THADA: variants seen among roughly 807,000 people sequenced by gnomAD.
THADA encodes THADA armadillo repeat containing.
In THADA, 213 loss-of-function variants were observed where a neutral mutation model predicts 219.8. The observed-to-expected ratio is 0.97, with a 90% CI of 0.87 to 1.09. THADA has a LOEUF of 1.09. THADA is among the 50% of genes least tolerant of loss of function. The pLI, the probability that THADA is intolerant of heterozygous loss-of-function variation, is 0.00. For missense variants in THADA, 2,956 were observed against 2,311.3 expected (o/e 1.28, Z -5.72); for synonymous variants, 1,018 against 828.9 (o/e 1.23, Z -3.92).
At chr2:43,418,903 T>C (rs1195836018) in intron 28 of THADA, among the ~76,000 whole-genome samples, 11 of 152,080 alleles carry the variant, frequency 7.2e-5, no homozygotes, top group African/African-American at 1.4e-4. Context: ...AAGCACCCAG[T>C]GGCTTTTTTA....
At chr2:43,449,030 A>G (rs1681965357) in intron 26 of THADA, among the ~76,000 whole-genome samples, 1 of 152,214 alleles carries the variant, frequency 6.6e-6, no homozygotes, top group African/African-American at 2.4e-5. Flanking sequence ...AAGGCTTTAA[A>G]ACAAGTATCT....
chr2:43,304,105 C>G (rs1405067546), intron 31 of THADA, among the ~76,000 whole-genome samples: 3 of 152,104 alleles, frequency 2.0e-5, no homozygotes, highest in Non-Finnish European at 4.4e-5. Flanking sequence ...TAAGTCAACC[C>G]CTTCATCTAG....
Position 43,402,468 on chromosome 2 carries a change from A to G in THADA, c.4059-4329T>C, listed in dbSNP as rs565203294. On this transcript the variant is annotated intron_variant, in intron 28 of 37. Coordinates refer to ENST00000405975, the MANE Select transcript of THADA (RefSeq NM_022065.5). ...AAAAAAGGACCATTCTGCTGAGATC[A>G]TGCTAACTTTACCACCTTTAACAGA... Among the ~76,000 whole-genome samples, 3 of 152,326 alleles carry G rather than the reference A, an allele frequency of 2.0e-5. No homozygotes were observed. The East Asian group carries it at 5.8e-4, about 29-fold the overall frequency.
rs562444242 is a variant in THADA at position 43,468,733 on chromosome 2, G to A, written c.3836+16501C>T. Among the ~76,000 whole-genome samples the A allele has an allele frequency of 1.6e-4, 25 of 152,220 alleles. 1 individual carries two copies. The highest frequency in any genetic ancestry group is 3.4e-3 in the Middle Eastern group (1 of 294). The stretch of plus-strand genomic sequence containing the variant: ...ACAATTCACAAGAAACAATACCACC[G>A]CAAGAAAGAGATGGCATACAGAATC... On this transcript the variant is annotated intron_variant, in intron 26 of 37. Transcript: ENST00000405975.
intron 25 of THADA, among the ~76,000 whole-genome samples, chr2:43,487,681 C>A (rs946806850): frequency 1.3e-5 from 2 of 152,138 alleles, no homozygotes; most frequent in African/African-American, 2.4e-5. Flanking sequence ...AGAGCTCTCA[C>A]GAATGCGATT....
At chr2:43,348,598 A>G (rs1202573894) in intron 29 of THADA, among the ~76,000 whole-genome samples, 1 of 152,166 alleles carries the variant, frequency 6.6e-6, no homozygotes, top group Non-Finnish European at 1.5e-5. Context: ...CAGCAATGGA[A>G]GGAGAGGAAA....
chr2:43,586,569 A>T (rs961194455), intron 6 of THADA, 120 bp from the exon 7 acceptor site: 3 of 1,318,980 alleles, frequency 2.3e-6, no homozygotes, highest in Admixed American at 2.7e-5. Context: ...ACAAAAATTT[A>T]AAAGGAAGGG....
At chr2:43,580,836 C>A (rs554299312) in intron 8 of THADA, among the ~76,000 whole-genome samples, 1 of 151,656 alleles carries the variant, frequency 6.6e-6, no homozygotes, top group Admixed American at 6.6e-5. Flanking sequence ...GCCAAGATCA[C>A]GCCACTGCAC....
In THADA at chr2:43,232,859, C is replaced by A; in HGVS notation, c.5320G>T (p.Ala1774Ser). 3 of 1,611,060 alleles carry A rather than the reference C, an allele frequency of 1.9e-6. No homozygotes were observed. The highest frequency in any genetic ancestry group is 2.5e-6 in the Non-Finnish European group (3 of 1,178,860). Residue 1774 changes from alanine to serine, a missense_variant, in exon 37 of 38, where the codon GCC becomes TCC. Coordinates refer to ENST00000405975, the MANE Select transcript of THADA (RefSeq NM_022065.5). ...STEFAFCQVD[A>S]SIALALALAV... ...AGGGCCAGGGCCAGAGCGATGGAGG[C>A]ATCCACCTGGCAGAAGGCAAACTCT...
intron 29 of THADA, among the ~76,000 whole-genome samples, chr2:43,366,341 G>C (rs1281611121): frequency 1.3e-5 from 2 of 152,180 alleles, no homozygotes; most frequent in African/African-American, 4.8e-5. Flanking sequence ...CCTAAGTAAG[G>C]TGGAGTGAAG....
chr2:43,429,743 A>T (rs989217584), intron 27 of THADA, among the ~76,000 whole-genome samples: 1 of 151,980 alleles, frequency 6.6e-6, no homozygotes, highest in Non-Finnish European at 1.5e-5. Flanking sequence ...ATAAAATTTA[A>T]CATAAAATAG....
chr2:43,485,411 A>G (rs1686794101), intron 25 of THADA, 86 bp from the exon 26 acceptor site: 1 of 911,346 alleles, frequency 1.1e-6, no homozygotes, highest in Admixed American at 2.1e-5. Flanking sequence ...ATAATTCAAA[A>G]TCATTACCTA....
At chr2:43,579,074 C>G (rs1251230375) in intron 8 of THADA, among the ~76,000 whole-genome samples, 1 of 152,232 alleles carries the variant, frequency 6.6e-6, no homozygotes, top group East Asian at 1.9e-4. Context: ...TTGTGATCCG[C>G]CTGCCTCGGC....
intron 29 of THADA, among the ~76,000 whole-genome samples, chr2:43,395,985 G>A (rs980123473): frequency 6.6e-6 from 1 of 152,304 alleles, no homozygotes. Context: ...TTGAACTCCT[G>A]GCCTCAAGTG....
chr2:43,295,758 G>T (rs946104388), intron 31 of THADA, among the ~76,000 whole-genome samples: 3 of 152,058 alleles, frequency 2.0e-5, no homozygotes, highest in Non-Finnish European at 4.4e-5. Context: ...AATTTGCATA[G>T]ACTTGCAATA....
rs1053060052 is a variant in THADA, at chr2:43,581,759, T to TA, written c.702dup (p.Thr235TyrfsTer7). ...CACTTACCATCGCTTAAAACCTTGG[T>TA]AAAAATACTCAGCAATCCACACATA... On this transcript the variant is annotated frameshift_variant, in exon 8 of 38. Coordinates refer to ENST00000405975, the MANE Select transcript of THADA (RefSeq NM_022065.5). LOFTEE classifies it high-confidence loss of function. 7.5e-6 allele frequency: 12 copies of TA among 1,610,734 alleles called. No homozygotes were observed. Among genetic ancestry groups the TA allele is most frequent in the Non-Finnish European group, 1.0e-5 (12 of 1,179,350 alleles).
Position 43,231,181 on chromosome 2 carries a change from C to A in THADA, c.5629G>T (p.Glu1877Ter). 6.2e-7 allele frequency: 1 copy of A among 1,613,864 alleles called. No individual in the cohort carries two copies. Among genetic ancestry groups the A allele is most frequent in the Non-Finnish European group, 8.5e-7 (1 of 1,179,808 alleles). The change falls in exon 38 of 38, where the codon GAG (glutamate) becomes TAG (stop). Residue 1877 changes from glutamate (E) to a stop codon, truncating the protein, a stop_gained. Coordinates refer to ENST00000405975, the MANE Select transcript of THADA (RefSeq NM_022065.5). LOFTEE classifies it high-confidence loss of function. ...AACTGAGACAGGAGGTGGCACTGCT[C>A]TGACACCATCCTTTGAAGGTGACAG... ...MLCHLQRMVS[E>*]QCHLLSQFFR...
intron 36 of THADA, among the ~76,000 whole-genome samples, chr2:43,247,727 CAAAAAAA>C (rs56687341): frequency 2.4e-4 from 13 of 53,394 alleles, no homozygotes; most frequent in Admixed American, 3.0e-4. Context: ...GACTCCGTCT[CAAAAAAA>C]AAAAAAAAAA....
At chr2:43,375,479 T>C (rs1279374027) in intron 29 of THADA, among the ~76,000 whole-genome samples, 3 of 152,190 alleles carry the variant, frequency 2.0e-5, no homozygotes, top group African/African-American at 7.2e-5. Context: ...ATACTTGGGG[T>C]CCCTGTCTGA....
Sources: allele counts gnomAD v4.1 joint callset (sites outside exome capture counted in the v4.1 genomes callset), GRCh38; gene constraint gnomAD v4.1.1; transcripts MANE v1.5; gene names NCBI Gene and HGNC (gene_info 2026-07-23, HGNC 2026-07-21).